SGCD: variants seen among roughly 807,000 people sequenced by gnomAD.
The protein encoded by SGCD is sarcoglycan delta, also known as delta-sarcoglycan.
In SGCD, 18 loss-of-function variants were observed where a neutral mutation model predicts 36.6. The observed-to-expected ratio is 0.49, with a 90% confidence interval of 0.34 to 0.73. The LOEUF (loss-of-function observed/expected upper bound fraction) is 0.73, where lower values mean the gene tolerates loss of function less well. Among genes scored for constraint, SGCD ranks in the 30% least tolerant of loss-of-function variants. SGCD has a pLI of 0.01. For missense variants in SGCD, 387 were observed against 346.7 expected, an observed-to-expected ratio of 1.12 and a Z score of -0.92; for synonymous variants, 133 against 130.6, an observed-to-expected ratio of 1.02 and a Z score of -0.12.
chr5:155,790,128 A>G, the SGCD span, among the ~76,000 whole-genome samples: 1 of 152,074 alleles, frequency 6.6e-6, no homozygotes, highest in African/African-American at 2.4e-5. Flanking sequence ...ATGCTGAAAC[A>G]AAGCTTTACT....
intron 1 of SGCD, among the ~76,000 whole-genome samples, chr5:156,044,960 A>G (rs568611752): frequency 2.0e-4 from 31 of 152,222 alleles, no homozygotes; most frequent in Admixed American, 3.9e-4. Context: ...ATATAGTTCA[A>G]TTGGCTCACA....
the SGCD span, among the ~76,000 whole-genome samples, chr5:155,803,576 G>T: frequency 6.6e-6 from 1 of 152,196 alleles, no homozygotes; most frequent in East Asian, 1.9e-4. Context: ...AAGACTCTAA[G>T]CAGAGAAGAG....
Position 156,766,263 on chromosome 5 carries a change from G to C in SGCD, c.*6873G>C, listed in dbSNP as rs540766289. The C allele has an allele frequency of 6.6e-6, 1 of 152,142 alleles. No individual in the cohort carries two copies. Among genetic ancestry groups the C allele is most frequent in the South Asian group, 2.1e-4 (1 of 4,822 alleles). 9.4% of individuals were successfully genotyped at this position (152,142 alleles called of 1,614,324 possible). ...TTTACTTGTGGCAAAACTCAAGGAA[G>C]CGATCAAATAGAGGGAAGCTCATTT... On this transcript the variant is annotated 3_prime_UTR_variant, in exon 9 of 9. Transcript: ENST00000337851.
At chr5:155,838,578 C>T in the SGCD span, among the ~76,000 whole-genome samples, 38,452 of 151,874 alleles carry the variant, frequency 0.25, 5,229 homozygotes, top group Admixed American at 0.37. Context: ...GTTTCTGAGA[C>T]ACTTTCAGAG....
At chr5:156,479,620 A>C (rs777298751) in intron 3 of SGCD, among the ~76,000 whole-genome samples, 2 of 152,166 alleles carry the variant, frequency 1.3e-5, no homozygotes, top group African/African-American at 4.8e-5. Flanking sequence ...CATCTTACCT[A>C]TGCTCACAAC....
intron 1 of SGCD, among the ~76,000 whole-genome samples, chr5:155,932,424 C>T (rs17053009): frequency 0.02 from 3,083 of 152,162 alleles, 104 homozygotes; most frequent in African/African-American, 0.069. Flanking sequence ...AAGGTATTCT[C>T]CTAGGCAAAT....
intron 1 of SGCD, among the ~76,000 whole-genome samples, chr5:155,936,550 G>C (rs1453458437): frequency 6.6e-6 from 1 of 152,116 alleles, no homozygotes; most frequent in African/African-American, 2.4e-5. Context: ...CTCAAGTCTG[G>C]CTAGGTCTGG....
intron 1 of SGCD, among the ~76,000 whole-genome samples, chr5:156,048,396 A>G (rs1384750935): frequency 2.0e-5 from 3 of 152,190 alleles, no homozygotes; most frequent in African/African-American, 7.2e-5. Context: ...AGGAATCGCC[A>G]CACTGACTTC....
intron 1 of SGCD, among the ~76,000 whole-genome samples, chr5:156,045,329 C>G (rs1759737799): frequency 6.6e-6 from 1 of 152,154 alleles, no homozygotes; most frequent in South Asian, 2.1e-4. Flanking sequence ...TAAGATAATA[C>G]TATACATACT....
chr5:156,124,894 G>A (rs1762134595), intron 3 of SGCD, among the ~76,000 whole-genome samples: 1 of 152,042 alleles, frequency 6.6e-6, no homozygotes, highest in Non-Finnish European at 1.5e-5. Flanking sequence ...ATCTGGAATA[G>A]GGATTTCTGT....
At chr5:156,593,753 G>A (rs144958100) in intron 5 of SGCD, among the ~76,000 whole-genome samples, 67 of 152,250 alleles carry the variant, frequency 4.4e-4, no homozygotes, top group African/African-American at 1.4e-3. Flanking sequence ...AACCCAATTT[G>A]TTCAACAACA....
At chr5:156,108,267 C>A (rs115827395) in intron 1 of SGCD, among the ~76,000 whole-genome samples, 136 of 152,172 alleles carry the variant, frequency 8.9e-4, no homozygotes, top group Non-Finnish European at 1.7e-3. Context: ...CTTTGCATTT[C>A]GTAACATTAC....
intron 3 of SGCD, among the ~76,000 whole-genome samples, chr5:156,406,273 A>G (rs1004442423): frequency 6.6e-6 from 1 of 151,912 alleles, no homozygotes; most frequent in Non-Finnish European, 1.5e-5. Flanking sequence ...TAACACAGCT[A>G]CCCTTCAGTG....
chr5:156,553,823 T>C (rs1758892411), intron 4 of SGCD, among the ~76,000 whole-genome samples: 1 of 152,220 alleles, frequency 6.6e-6, no homozygotes, highest in South Asian at 2.1e-4. Flanking sequence ...ACTATTACGT[T>C]TGGGTACACC....
the SGCD span, among the ~76,000 whole-genome samples, chr5:155,848,225 G>C: frequency 3.9e-5 from 6 of 152,054 alleles, no homozygotes; most frequent in Admixed American, 1.3e-4. Flanking sequence ...CAGTGTAAGA[G>C]GACATTTTTG....
chr5:156,010,135 G>C (rs1758830826), intron 1 of SGCD, among the ~76,000 whole-genome samples: 1 of 152,142 alleles, frequency 6.6e-6, no homozygotes, highest in African/African-American at 2.4e-5. Context: ...TCAAATGTGT[G>C]TCATTGGTTT....
At chr5:156,325,545 A>C (rs1442184898), upstream of SGCD, among the ~76,000 whole-genome samples, 1 of 152,198 alleles carries the variant, frequency 6.6e-6, no homozygotes, top group Non-Finnish European at 1.5e-5. Flanking sequence ...TAAGATGCAG[A>C]GCTAAGATTA....
intron 7 of SGCD, among the ~76,000 whole-genome samples, chr5:156,742,595 G>GA (rs1016028112): frequency 2.6e-5 from 4 of 152,026 alleles, no homozygotes; most frequent in African/African-American, 7.3e-5. Flanking sequence ...TAGAGAAACA[G>GA]AAAAAACTGG....
At chr5:156,572,211 G>A (rs1759751330) in intron 4 of SGCD, among the ~76,000 whole-genome samples, 1 of 152,132 alleles carries the variant, frequency 6.6e-6, no homozygotes. Context: ...ATGAGCATTT[G>A]TGTACAAGTT....
Sources: allele counts gnomAD v4.1 joint callset (sites outside exome capture counted in the v4.1 genomes callset), GRCh38; gene constraint gnomAD v4.1.1; transcripts MANE v1.5; gene names NCBI Gene and HGNC (gene_info 2026-07-23, HGNC 2026-07-21).